Variants in ASTN2 observed in about 807,000 individuals in gnomAD.
The protein encoded by ASTN2 is astrotactin 2, also known as astrotactin-2.
A neutral mutation model predicts 139.8 loss-of-function variants in ASTN2; 54 were observed. The observed-to-expected ratio is 0.39, with a 90% CI of 0.31 to 0.48. The LOEUF is 0.48. ASTN2 is among the 20% of genes least tolerant of loss of function. ASTN2 has a pLI of 0.95. For synonymous variants in ASTN2, 756 were observed against 719.5 expected, an observed-to-expected ratio of 1.05 and a Z score of -0.81; for missense variants, 1,565 against 1,725.1, an observed-to-expected ratio of 0.91 and a Z score of 1.64.
intron 5 of ASTN2, among the ~76,000 whole-genome samples, chr9:117,068,797 C>G (rs1828025038): frequency 1.5e-5 from 2 of 134,946 alleles, no homozygotes; most frequent in African/African-American, 2.6e-5. Context: ...TATTTGCGTA[C>G]AGGTGTTTGT....
rs9299242 is a variant in ASTN2, at chr9:116,889,720, T to TACAC, written c.1890-25991_1890-25988dup. 9.2e-3 allele frequency among the ~76,000 whole-genome samples: 1,251 copies of TACAC among 136,652 alleles called. 13 individuals carry two copies. The highest frequency in any genetic ancestry group is 0.018 in the Admixed American group (236 of 13,230). 89.6% of individuals were successfully genotyped at this position (136,652 alleles called of 152,430 possible). On this transcript the variant is annotated intron_variant, in intron 10 of 22. Transcript: ENST00000313400. The stretch of plus-strand genomic sequence containing the variant: ...GGGCAACATAGCAAGACCTTGTCTC[T>TACAC]ACACACACACACACACACACACACA...
intron 19 of ASTN2, among the ~76,000 whole-genome samples, chr9:116,564,595 A>G (rs975986149): frequency 5.3e-5 from 8 of 152,210 alleles, no homozygotes; most frequent in African/African-American, 1.4e-4. Flanking sequence ...ATTAATTCCA[A>G]CTGGTTGTTG....
intron 10 of ASTN2, among the ~76,000 whole-genome samples, chr9:116,917,338 C>CT (rs1164290616): frequency 6.6e-6 from 1 of 151,910 alleles, no homozygotes; most frequent in African/African-American, 2.4e-5. Context: ...TCAGCCCCAC[C>CT]CCCCAACTAG....
intron 10 of ASTN2, among the ~76,000 whole-genome samples, chr9:116,915,824 A>C (rs1277416810): frequency 1.1e-4 from 16 of 152,170 alleles, no homozygotes; most frequent in Admixed American, 1.0e-3. Flanking sequence ...AAATCAAAGT[A>C]AATATTTCCC....
chr9:117,233,850 C>A (rs536075863), intron 2 of ASTN2, among the ~76,000 whole-genome samples: 2 of 152,222 alleles, frequency 1.3e-5, no homozygotes, highest in South Asian at 2.1e-4. Context: ...GTCATAATAA[C>A]CTAACCGCCT....
At chr9:116,757,379 T>C (rs1006038251) in intron 13 of ASTN2, among the ~76,000 whole-genome samples, 4 of 152,180 alleles carry the variant, frequency 2.6e-5, no homozygotes, top group African/African-American at 9.6e-5. Context: ...GAGAAGTTCC[T>C]GGCCCACTGG....
At chr9:117,020,926 TC>T (rs140252332) in intron 6 of ASTN2, among the ~76,000 whole-genome samples, 7,947 of 152,058 alleles carry the variant, frequency 0.052, 515 homozygotes, top group African/African-American at 0.16. Flanking sequence ...CACAGTTCCC[TC>T]CCCACACTCT....
chr9:117,241,620 T>A (rs1005921383), intron 2 of ASTN2, among the ~76,000 whole-genome samples: 1 of 152,188 alleles, frequency 6.6e-6, no homozygotes, highest in Non-Finnish European at 1.5e-5. Context: ...GAGAATCTAA[T>A]GCTGTTGCTG....
chr9:116,432,657 G>A (rs1351873394), intron 22 of ASTN2, among the ~76,000 whole-genome samples: 1 of 152,110 alleles, frequency 6.6e-6, no homozygotes, highest in Non-Finnish European at 1.5e-5. Context: ...ATGCAAACTG[G>A]GATTACTCAT....
At chr9:116,880,659 C>T (rs773347521) in intron 10 of ASTN2, among the ~76,000 whole-genome samples, 1 of 152,138 alleles carries the variant, frequency 6.6e-6, no homozygotes, top group South Asian at 2.1e-4. Flanking sequence ...AAGATAATGT[C>T]CCTTGTGCAA....
At chr9:117,374,369 T>TAAAAAAAAAAAAAAAAAAAAAAAA (rs57428022) in intron 1 of ASTN2, among the ~76,000 whole-genome samples, 2 of 87,326 alleles carry the variant, frequency 2.3e-5, no homozygotes, top group African/African-American at 1.1e-4. Flanking sequence ...AGGGCAGGGT[T>TAAAAAAAAAAAAAAAAAAAAAAAA]AAAAAAAAAA....
intron 10 of ASTN2, among the ~76,000 whole-genome samples, chr9:116,968,373 A>G (rs1305234596): frequency 6.6e-6 from 1 of 152,204 alleles, no homozygotes; most frequent in Non-Finnish European, 1.5e-5. Flanking sequence ...AGATTCCAGT[A>G]TCTGGAGCAG....
chr9:116,818,486 G>A (rs540239138), intron 12 of ASTN2, among the ~76,000 whole-genome samples: 1 of 152,206 alleles, frequency 6.6e-6, no homozygotes, highest in South Asian at 2.1e-4. Flanking sequence ...TAGGATGCCT[G>A]GGTTTTGTTT....
At chr9:117,302,689 G>A (rs1337906193) in intron 1 of ASTN2, among the ~76,000 whole-genome samples, 2 of 152,132 alleles carry the variant, frequency 1.3e-5, no homozygotes, top group Non-Finnish European at 2.9e-5. Flanking sequence ...CAATGAGTCA[G>A]GAAAGCATGG....
chr9:116,766,199 A>C (rs10759855), intron 13 of ASTN2, among the ~76,000 whole-genome samples: 110,159 of 151,798 alleles, frequency 0.73, 40,117 homozygotes, highest in South Asian at 0.84. Flanking sequence ...GACAACCCCC[A>C]CTGGGCCAAA....
intron 19 of ASTN2, among the ~76,000 whole-genome samples, chr9:116,537,651 T>G (rs937037278): frequency 2.0e-5 from 3 of 152,216 alleles, no homozygotes; most frequent in African/African-American, 7.2e-5. Context: ...ATTTTATGTA[T>G]GATCCAGGAT....
chr9:116,746,441 C>T (rs1207178536), intron 13 of ASTN2, among the ~76,000 whole-genome samples: 2 of 152,102 alleles, frequency 1.3e-5, no homozygotes, highest in African/African-American at 2.4e-5. Context: ...CTGCCTCCCT[C>T]TTCCTCTTTA....
chr9:117,286,146 G>A (rs1394254703), intron 2 of ASTN2, among the ~76,000 whole-genome samples: 1 of 152,014 alleles, frequency 6.6e-6, no homozygotes, highest in African/African-American at 2.4e-5. Context: ...TGAACCACAA[G>A]TGATAACTAT....
chr9:117,206,186 G>C (rs1019683451), intron 3 of ASTN2, among the ~76,000 whole-genome samples: 8 of 152,186 alleles, frequency 5.3e-5, no homozygotes, highest in African/African-American at 4.8e-5. Flanking sequence ...CAGAAGAGTG[G>C]AGAAGCATCT....
Sources: allele counts gnomAD v4.1 joint callset (sites outside exome capture counted in the v4.1 genomes callset), GRCh38; gene constraint gnomAD v4.1.1; transcripts MANE v1.5; gene names NCBI Gene and HGNC (gene_info 2026-07-23, HGNC 2026-07-21).